The following MYSM1 variants were observed in gnomAD, a reference collection of about 807,000 sequenced individuals.
MYSM1 encodes Myb like, SWIRM and MPN domains 1, also known as deubiquitinase MYSM1.
In MYSM1, 51 loss-of-function variants were observed where a neutral mutation model predicts 116.0. The observed-to-expected ratio is 0.44, with a 90% CI of 0.35 to 0.56. The LOEUF (loss-of-function observed/expected upper bound fraction) is 0.56, where lower values mean the gene tolerates loss of function less well. Ranked by LOEUF, MYSM1 falls within the 20% of genes least tolerant of loss-of-function variation. MYSM1 has a pLI of 0.00. For missense variants in MYSM1, 900 were observed against 974.9 expected, an observed-to-expected ratio of 0.92 and a Z score of 1.02; for synonymous variants, 313 against 315.2, an observed-to-expected ratio of 0.99 and a Z score of 0.07.
chr1:58,695,569 G>A (rs1309328913), intron 1 of MYSM1, among the ~76,000 whole-genome samples: 1 of 151,800 alleles, frequency 6.6e-6, no homozygotes, highest in African/African-American at 2.4e-5. Context: ...CAGTACCCAT[G>A]TGTATACAGG....
At chr1:58,694,395 G>A (rs1326868922) in intron 2 of MYSM1, among the ~76,000 whole-genome samples, 1 of 152,102 alleles carries the variant, frequency 6.6e-6, no homozygotes, top group African/African-American at 2.4e-5. Flanking sequence ...GGCTGAGGCG[G>A]GCGGATCACG....
At chr1:58,666,570 T>A (rs1644472693) in intron 16 of MYSM1, among the ~76,000 whole-genome samples, 2 of 57,926 alleles carry the variant, frequency 3.5e-5, no homozygotes, top group Admixed American at 4.8e-4. Context: ...TATATGTATT[T>A]TTTTTCTTTT....
rs1644566728 is a variant in MYSM1 at position 58,671,872 on chromosome 1, T to C, written c.1659A>G (p.Lys553=). Residue 553 remains lysine (K), a splice_region_variant and synonymous_variant, in exon 12 of 20, where the codon AAA becomes AAG. Transcript: ENST00000472487. ...ACCACATTTATATAACACTACACCT[T>C]TTTGTTGGTCTTGGCACTTTTAAAG... The part of the protein sequence containing the change: ...VKSLKVPRPT[K]SSFDPFQLIP... The C allele has an allele frequency of 1.1e-5, 17 of 1,611,986 alleles. No individual in the cohort carries two copies. The highest frequency in any genetic ancestry group is 1.4e-5 in the Non-Finnish European group (16 of 1,179,018).
intron 6 of MYSM1, among the ~76,000 whole-genome samples, chr1:58,686,753 G>A (rs369310440): frequency 2.0e-5 from 3 of 152,108 alleles, no homozygotes; most frequent in African/African-American, 7.2e-5. Context: ...GAGCATTTGT[G>A]GAGACAGGAC....
At chr1:58,678,963 C>A (rs1644696873) in intron 8 of MYSM1, among the ~76,000 whole-genome samples, 1 of 152,082 alleles carries the variant, frequency 6.6e-6, no homozygotes, top group Non-Finnish European at 1.5e-5. Context: ...TTTTTCTTAT[C>A]TATAAAGTGA....
chr1:58,683,087 T>C (rs1426521214), intron 7 of MYSM1, among the ~76,000 whole-genome samples: 1 of 152,240 alleles, frequency 6.6e-6, no homozygotes, highest in African/African-American at 2.4e-5. Flanking sequence ...AGGATCACCA[T>C]TTAAAATTTC....
At chr1:58,673,043 A>C (rs1644587547) in intron 11 of MYSM1, among the ~76,000 whole-genome samples, 1 of 152,190 alleles carries the variant, frequency 6.6e-6, no homozygotes, top group Non-Finnish European at 1.5e-5. Context: ...TTCTTACAAC[A>C]ATACTTTGAG....
intron 10 of MYSM1, among the ~76,000 whole-genome samples, chr1:58,674,379 T>C (rs1333375876): frequency 6.6e-6 from 1 of 152,154 alleles, no homozygotes; most frequent in Non-Finnish European, 1.5e-5. Flanking sequence ...AAATCCAGTT[T>C]TGCAAACCTC....
chr1:58,690,340 CTCT>C lies in MYSM1; in HGVS notation c.293_295del (p.Lys98del). 1 of 1,596,954 alleles carries C rather than the reference CTCT, an allele frequency of 6.3e-7. No individual in the cohort carries two copies. The highest frequency in any genetic ancestry group is 1.1e-5 in the South Asian group (1 of 87,186). On this transcript the variant is annotated inframe_deletion and splice_region_variant, in exon 4 of 20. Coordinates refer to ENST00000472487, the MANE Select transcript of MYSM1 (RefSeq NM_001085487.3). ...TAGAAATATTATAAATTGATTTTAC[CTCT>C]TCATGTATTTTTTATCATCTTCCTT...
intron 1 of MYSM1, among the ~76,000 whole-genome samples, chr1:58,696,828 T>C (rs765407116): frequency 1.4e-4 from 22 of 152,208 alleles, no homozygotes; most frequent in Non-Finnish European, 2.6e-4. Flanking sequence ...AATAAAAATT[T>C]GTTGGACTAA....
At chr1:58,683,476 GA>G (rs1235995374) in intron 7 of MYSM1, among the ~76,000 whole-genome samples, 2 of 151,438 alleles carry the variant, frequency 1.3e-5, no homozygotes, top group Admixed American at 1.3e-4. Context: ...TGATACTTGA[GA>G]AAAAAAGAGA....
chr1:58,663,926 TTTTCA>T (rs1310947828), intron 17 of MYSM1, among the ~76,000 whole-genome samples: 1 of 152,214 alleles, frequency 6.6e-6, no homozygotes, highest in African/African-American at 2.4e-5. Context: ...TGTGGGGCTC[TTTTCA>T]TTTGTTTCCC....
At chr1:58,669,784 C>T (rs1444331512) in intron 12 of MYSM1, among the ~76,000 whole-genome samples, 2 of 138,038 alleles carry the variant, frequency 1.4e-5, no homozygotes, top group Non-Finnish European at 3.1e-5. Context: ...GCCATGATTT[C>T]ACCACTCTAC....
intron 12 of MYSM1, among the ~76,000 whole-genome samples, chr1:58,670,046 C>T (rs1220621124): frequency 6.6e-6 from 1 of 152,104 alleles, no homozygotes; most frequent in South Asian, 2.1e-4. Flanking sequence ...CGCATTAACA[C>T]AACTGGAAGA....
At chr1:58,675,012 G>C (rs535302811) in intron 10 of MYSM1, among the ~76,000 whole-genome samples, 1 of 148,234 alleles carries the variant, frequency 6.7e-6, no homozygotes. Flanking sequence ...TTTTCTCCTA[G>C]TAGGTCACTT....
chr1:58,655,446 A>C lies in MYSM1; in HGVS notation c.*4551T>G, dbSNP rs1294421139. ...AACTTCTGTTTAGAGCTCTTGGCAT[A>C]ATCACAGCTCCCCTGGGATATTTTT... is the stretch of plus-strand genomic sequence containing the variant. On this transcript the variant is annotated 3_prime_UTR_variant, in exon 20 of 20. Coordinates refer to ENST00000472487, the MANE Select transcript of MYSM1 (RefSeq NM_001085487.3). 2 of 150,732 alleles carry C rather than the reference A, an allele frequency of 1.3e-5. No homozygotes were observed. Among genetic ancestry groups the C allele is most frequent in the East Asian group, 1.9e-4 (1 of 5,170 alleles). 9.3% of individuals were successfully genotyped at this position (150,732 alleles called of 1,614,324 possible). A position where few individuals can be genotyped will look rare whatever the true frequency, so the allele number is the denominator to read the frequency against.
Position 58,662,845 on chromosome 1 carries a change from G to A in MYSM1, c.2165-1334C>T, listed in dbSNP as rs528512258. Among the ~76,000 whole-genome samples, 10 of 152,132 alleles carry A rather than the reference G, an allele frequency of 6.6e-5. No individual in the cohort carries two copies. In the East Asian group the frequency reaches 1.7e-3, roughly 26 times the overall value. On this transcript the variant is annotated intron_variant, in intron 17 of 19. Transcript: ENST00000472487. ...TTCCTCTTCTCCAAAAACTTAAGAAGAGTGACACACTATAGTACACGGGGT... is the reference window on the plus strand; with the variant it reads ...TTCCTCTTCTCCAAAAACTTAAGAAAAGTGACACACTATAGTACACGGGGT...
chr1:58,659,853 T>G lies in MYSM1; in HGVS notation c.*144A>C. The G allele has an allele frequency of 1.7e-6, 1 of 578,808 alleles. No individual in the cohort carries two copies. Among genetic ancestry groups the G allele is most frequent in the Non-Finnish European group, 2.9e-6 (1 of 346,678 alleles). The allele number at this position is 578,808 out of a possible 1,614,324, so 35.9% of individuals were successfully genotyped here. A position where few individuals can be genotyped will look rare whatever the true frequency, so the allele number is the denominator to read the frequency against. ...AAATTTGTATCTCTTCCTTTTCACA[T>G]GATTTATGTGGCAAAGTTTGGATTT... On this transcript the variant is annotated 3_prime_UTR_variant, in exon 20 of 20. Transcript: ENST00000472487.
chr1:58,669,809 C>A (rs1226025734), intron 12 of MYSM1, among the ~76,000 whole-genome samples: 3 of 116,314 alleles, frequency 2.6e-5, no homozygotes, highest in African/African-American at 3.3e-5. Context: ...CCACTCCAGC[C>A]TGGGTGACAG....
Sources: allele counts gnomAD v4.1 joint callset (sites outside exome capture counted in the v4.1 genomes callset), GRCh38; gene constraint gnomAD v4.1.1; transcripts MANE v1.5; gene names NCBI Gene and HGNC (gene_info 2026-07-23, HGNC 2026-07-21).